FAM171A1: variants seen among roughly 807,000 people sequenced by gnomAD.
FAM171A1 encodes the protein family with sequence similarity 171 member A1, also known as protein FAM171A1.
FAM171A1 carries 23 observed loss-of-function variants against 74.9 expected under a neutral mutation model. The observed-to-expected ratio is 0.31, with a 90% CI of 0.22 to 0.44. FAM171A1 has a LOEUF of 0.44. FAM171A1 is among the 20% of genes least tolerant of loss of function. The pLI, the probability that FAM171A1 is intolerant of heterozygous loss-of-function variation, is 1.00. For missense variants in FAM171A1, 1,162 were observed against 1,159.2 expected, an observed-to-expected ratio of 1.00 and a Z score of -0.03; for synonymous variants, 527 against 505.7, an observed-to-expected ratio of 1.04 and a Z score of -0.57.
At chr10:15,226,205 C>G (rs1361905593) in intron 5 of FAM171A1, among the ~76,000 whole-genome samples, 1 of 152,202 alleles carries the variant, frequency 6.6e-6, no homozygotes, top group Non-Finnish European at 1.5e-5. Flanking sequence ...TGCAGCTGCG[C>G]CAACCTGGTC....
chr10:15,237,314 T>C (rs1182499034), intron 5 of FAM171A1, among the ~76,000 whole-genome samples: 1 of 152,118 alleles, frequency 6.6e-6, no homozygotes, highest in Non-Finnish European at 1.5e-5. Flanking sequence ...TAAACAAAAG[T>C]GCCCCCTGAA....
chr10:15,283,583 T>C (rs1450352644), intron 2 of FAM171A1, among the ~76,000 whole-genome samples: 1 of 152,162 alleles, frequency 6.6e-6, no homozygotes, highest in Non-Finnish European at 1.5e-5. Flanking sequence ...TTTTTATTTA[T>C]TTTATTTCAT....
intron 3 of FAM171A1, among the ~76,000 whole-genome samples, chr10:15,263,525 G>A (rs1322549558): frequency 2.6e-5 from 4 of 152,252 alleles, no homozygotes; most frequent in South Asian, 2.1e-4. Flanking sequence ...GACACTGAGC[G>A]CATTTTCAGA....
intron 2 of FAM171A1, among the ~76,000 whole-genome samples, chr10:15,276,213 C>T (rs531188732): frequency 2.6e-5 from 4 of 151,650 alleles, no homozygotes; most frequent in East Asian, 3.9e-4. Context: ...GACGGACTCT[C>T]GCTTGTCACC....
intron 3 of FAM171A1, among the ~76,000 whole-genome samples, chr10:15,269,036 TCAAACAAACAAACAAACAAA>T (rs34821162): frequency 4.6e-5 from 7 of 150,724 alleles, no homozygotes; most frequent in Admixed American, 3.3e-4. Flanking sequence ...AGACTCTGTC[TCAAACAAACAAACAAACAAA>T]CAAACAAACA....
chr10:15,318,316 G>A (rs1835446816), intron 1 of FAM171A1, among the ~76,000 whole-genome samples: 1 of 152,200 alleles, frequency 6.6e-6, no homozygotes, highest in Non-Finnish European at 1.5e-5. Flanking sequence ...CCTCCCAGGT[G>A]GAGCTGAAGT....
intron 4 of FAM171A1, 143 bp from the exon 5 acceptor site, chr10:15,248,958 A>G (rs1468924079): frequency 3.0e-6 from 2 of 673,030 alleles, no homozygotes; most frequent in Non-Finnish European, 4.7e-6. Context: ...CATAATCCTC[A>G]CCACAACCCA....
At chr10:15,320,723 T>G (rs902137266) in intron 1 of FAM171A1, among the ~76,000 whole-genome samples, 2 of 152,332 alleles carry the variant, frequency 1.3e-5, no homozygotes, top group East Asian at 3.9e-4. Flanking sequence ...GATAAGCATT[T>G]TCTTCCTGTT....
At chr10:15,288,052 A>G (rs548534035) in intron 1 of FAM171A1, among the ~76,000 whole-genome samples, 6 of 152,214 alleles carry the variant, frequency 3.9e-5, no homozygotes, top group Non-Finnish European at 8.8e-5. Flanking sequence ...CACTTAGAAT[A>G]ATGGTCTCCA....
intron 1 of FAM171A1, among the ~76,000 whole-genome samples, chr10:15,313,858 C>T (rs1449393481): frequency 6.6e-6 from 1 of 152,190 alleles, no homozygotes; most frequent in Non-Finnish European, 1.5e-5. Flanking sequence ...AAGCCTCCAC[C>T]TTCCCCAACC....
intron 3 of FAM171A1, among the ~76,000 whole-genome samples, chr10:15,258,111 A>C (rs1025811260): frequency 2.0e-5 from 3 of 151,706 alleles, no homozygotes; most frequent in African/African-American, 7.3e-5. Context: ...CCCAGGCTGG[A>C]GTGCAGTGGC....
intron 3 of FAM171A1, among the ~76,000 whole-genome samples, chr10:15,256,038 G>A (rs1398932164): frequency 6.6e-6 from 1 of 152,142 alleles, no homozygotes; most frequent in African/African-American, 2.4e-5. Flanking sequence ...GTAATTTTGT[G>A]CAAACCTGGC....
intron 1 of FAM171A1, among the ~76,000 whole-genome samples, chr10:15,355,434 C>T (rs1028656511): frequency 6.6e-6 from 1 of 152,114 alleles, no homozygotes; most frequent in Non-Finnish European, 1.5e-5. Context: ...ACTTGGGTTT[C>T]CTTCCAGGCA....
intron 5 of FAM171A1, among the ~76,000 whole-genome samples, chr10:15,239,440 G>A (rs1401798081): frequency 6.6e-6 from 1 of 151,930 alleles, no homozygotes; most frequent in African/African-American, 2.4e-5. Flanking sequence ...GGGATTAGAG[G>A]CACCCACCAC....
At chr10:15,358,806 T>C (rs904243844) in intron 1 of FAM171A1, among the ~76,000 whole-genome samples, 1 of 152,208 alleles carries the variant, frequency 6.6e-6, no homozygotes, top group African/African-American at 2.4e-5. Flanking sequence ...ACCAGGCCCA[T>C]GAAAAGCCCC....
rs998722909 is a variant in FAM171A1, at chr10:15,311,774, T to G, written c.98-27669A>C. 8.5e-5 allele frequency among the ~76,000 whole-genome samples: 13 copies of G among 152,104 alleles called. No homozygotes were observed. In the East Asian group the frequency reaches 2.5e-3, roughly 29 times the overall value. On this transcript the variant is annotated intron_variant, in intron 1 of 7. Transcript: ENST00000378116. ...CAGAAGCACCTGAGGTCCAGGAGAG[T>G]AAAGGAGAATTCTCCTCTGCCTAGC...
At chr10:15,324,337 T>C (rs1835523777) in intron 1 of FAM171A1, among the ~76,000 whole-genome samples, 1 of 152,166 alleles carries the variant, frequency 6.6e-6, no homozygotes, top group Non-Finnish European at 1.5e-5. Flanking sequence ...CCCCAGGCAA[T>C]GCAGGTCCTT....
intron 1 of FAM171A1, among the ~76,000 whole-genome samples, chr10:15,286,455 C>A (rs1386512153): frequency 1.3e-5 from 2 of 152,012 alleles, no homozygotes; most frequent in Non-Finnish European, 2.9e-5. Context: ...TAATTTTTTG[C>A]ACTTTTAGTA....
intron 1 of FAM171A1, among the ~76,000 whole-genome samples, chr10:15,297,026 G>C (rs772173484): frequency 2.6e-5 from 4 of 151,992 alleles, no homozygotes; most frequent in Non-Finnish European, 5.9e-5. Context: ...CCTACCGGCT[G>C]CTCATCCTCT....
Sources: gnomAD v4.1 joint callset for allele counts (sites outside exome capture counted in the v4.1 genomes callset) on GRCh38, gnomAD v4.1.1 for gene constraint, MANE v1.5 for transcripts, NCBI Gene and HGNC (gene_info 2026-07-23, HGNC 2026-07-21) for gene names.